The following TRPC4 variants were observed in gnomAD, a reference collection of about 807,000 sequenced individuals.
TRPC4 encodes the protein short transient receptor potential channel 4.
TRPC4 carries 49 observed loss-of-function variants against 99.4 expected under a neutral mutation model. That is an observed-to-expected ratio of 0.49 (90% CI 0.39 to 0.63). The LOEUF is 0.63. Among genes scored for constraint, TRPC4 ranks in the 20% least tolerant of loss-of-function variants. The pLI, the probability that TRPC4 is intolerant of heterozygous loss-of-function variation, is 0.00. For missense variants in TRPC4, 898 were observed against 1,152.9 expected, an observed-to-expected ratio of 0.78 and a Z score of 3.20; for synonymous variants, 454 against 425.9, an observed-to-expected ratio of 1.07 and a Z score of -0.81.
intron 1 of TRPC4, among the ~76,000 whole-genome samples, chr13:37,827,092 C>G (rs149954113): frequency 6.6e-6 from 1 of 152,006 alleles, no homozygotes; most frequent in African/African-American, 2.4e-5. Flanking sequence ...GCATTCTTCA[C>G]GTAGTTCTCC....
intron 3 of TRPC4, among the ~76,000 whole-genome samples, chr13:37,697,417 CAG>C (rs141403564): frequency 6.6e-6 from 1 of 152,244 alleles, no homozygotes; most frequent in African/African-American, 2.4e-5. Flanking sequence ...CCTGAAATAA[CAG>C]ATAGATTTCG....
intron 1 of TRPC4, among the ~76,000 whole-genome samples, chr13:37,856,414 G>A (rs1959174961): frequency 6.8e-6 from 1 of 147,478 alleles, no homozygotes; most frequent in Admixed American, 6.8e-5. Context: ...AAAAGCCCAG[G>A]ATCTGATGCC....
At chr13:37,844,340 G>C (rs1190420356) in intron 1 of TRPC4, among the ~76,000 whole-genome samples, 3 of 151,882 alleles carry the variant, frequency 2.0e-5, no homozygotes, top group Non-Finnish European at 4.4e-5. Flanking sequence ...TGTTGCCCAG[G>C]CTGGAGTGCA....
chr13:37,842,280 A>C (rs1329430163), intron 1 of TRPC4, among the ~76,000 whole-genome samples: 2 of 149,558 alleles, frequency 1.3e-5, no homozygotes, highest in South Asian at 2.1e-4. Flanking sequence ...AAAAAAAAAA[A>C]AAAAACCTTA....
rs1172479765 is a variant in TRPC4, at chr13:37,833,364, A to G, written c.-28+36231T>C. Among the ~76,000 whole-genome samples the G allele has an allele frequency of 2.0e-5, 3 of 152,190 alleles. No individual in the cohort carries two copies. The East Asian group carries it at 5.8e-4, about 29-fold the overall frequency. On this transcript the variant is annotated intron_variant, in intron 1 of 10. Coordinates refer to ENST00000379705, the MANE Select transcript of TRPC4 (RefSeq NM_016179.4). The stretch of plus-strand genomic sequence containing the variant: ...AAGTTTTGCTTGGACAAGCTATTTG[A>G]TACGGCATTCACCTGATTGAAAAGT...
intron 3 of TRPC4, among the ~76,000 whole-genome samples, chr13:37,718,162 A>G (rs1397884110): frequency 3.9e-5 from 6 of 152,076 alleles, no homozygotes; most frequent in Non-Finnish European, 7.4e-5. Context: ...AGATTCCCAA[A>G]TTCTCTGCAG....
chr13:37,755,404 G>A (rs200579413), intron 2 of TRPC4, among the ~76,000 whole-genome samples: 3 of 150,122 alleles, frequency 2.0e-5, no homozygotes, highest in East Asian at 4.0e-4. Flanking sequence ...TACAGGCATA[G>A]CACCACCATA....
chr13:37,820,154 T>G (rs949286887), intron 1 of TRPC4, among the ~76,000 whole-genome samples: 15 of 152,170 alleles, frequency 9.9e-5, no homozygotes, highest in African/African-American at 3.1e-4. Flanking sequence ...CCTTAGAGTC[T>G]ATTTTAAACA....
intron 1 of TRPC4, among the ~76,000 whole-genome samples, chr13:37,832,054 G>T (rs1469695518): frequency 2.0e-5 from 3 of 152,124 alleles, no homozygotes; most frequent in East Asian, 1.9e-4. Flanking sequence ...TTACCAAAAA[G>T]AAATGATAAG....
intron 4 of TRPC4, among the ~76,000 whole-genome samples, chr13:37,682,899 C>A (rs1345551392): frequency 6.7e-6 from 1 of 150,054 alleles, no homozygotes; most frequent in Middle Eastern, 3.5e-3. Context: ...GGACTAGAGG[C>A]ACATGTTACC....
intron 6 of TRPC4, among the ~76,000 whole-genome samples, chr13:37,662,666 G>T (rs1291146209): frequency 6.6e-6 from 1 of 152,168 alleles, no homozygotes; most frequent in Non-Finnish European, 1.5e-5. Flanking sequence ...CTGTATGGAG[G>T]AAAATCACTT....
chr13:37,760,780 C>T (rs1292945632), intron 2 of TRPC4, among the ~76,000 whole-genome samples: 3 of 151,940 alleles, frequency 2.0e-5, no homozygotes, highest in Non-Finnish European at 4.4e-5. Flanking sequence ...CCAAGACATT[C>T]TTCTTCCAAT....
At chr13:37,772,748 C>T (rs1956591623) in intron 2 of TRPC4, among the ~76,000 whole-genome samples, 1 of 151,760 alleles carries the variant, frequency 6.6e-6, no homozygotes, top group Non-Finnish European at 1.5e-5. Flanking sequence ...AAATAACTGC[C>T]TCCAACATGG....
At chr13:37,664,082 A>G (rs928738672) in intron 5 of TRPC4, among the ~76,000 whole-genome samples, 25 of 152,164 alleles carry the variant, frequency 1.6e-4, no homozygotes, top group African/African-American at 5.8e-4. Flanking sequence ...GAAATATAAC[A>G]TTTATCTGAA....
At chr13:37,724,894 A>G (rs1379046675) in intron 3 of TRPC4, among the ~76,000 whole-genome samples, 2 of 152,196 alleles carry the variant, frequency 1.3e-5, no homozygotes, top group Non-Finnish European at 2.9e-5. Flanking sequence ...TGAATTATAG[A>G]TGGAGAAAAC....
intron 1 of TRPC4, among the ~76,000 whole-genome samples, chr13:37,830,365 A>G (rs1958385217): frequency 6.6e-6 from 1 of 152,134 alleles, no homozygotes; most frequent in African/African-American, 2.4e-5. Context: ...ATGAATGAAT[A>G]TAAACATGTT....
At chr13:37,766,955 T>C (rs1372274082) in intron 2 of TRPC4, among the ~76,000 whole-genome samples, 2 of 151,494 alleles carry the variant, frequency 1.3e-5, no homozygotes, top group Non-Finnish European at 3.0e-5. Flanking sequence ...GTGATTGTTT[T>C]TATTTTTCTA....
intron 3 of TRPC4, among the ~76,000 whole-genome samples, chr13:37,707,438 C>T (rs950440511): frequency 7.9e-5 from 12 of 152,138 alleles, no homozygotes; most frequent in Non-Finnish European, 1.6e-4. Flanking sequence ...AATTTAGGGA[C>T]TGTCTCTAAA....
intron 1 of TRPC4, among the ~76,000 whole-genome samples, chr13:37,842,943 T>C (rs1177292820): frequency 1.3e-5 from 2 of 152,168 alleles, no homozygotes; most frequent in African/African-American, 2.4e-5. Flanking sequence ...CTTTAGCAAA[T>C]GCTATAAAGC....
Sources: allele counts gnomAD v4.1 joint callset (sites outside exome capture counted in the v4.1 genomes callset), GRCh38; gene constraint gnomAD v4.1.1; transcripts MANE v1.5; gene names NCBI Gene and HGNC (gene_info 2026-07-23, HGNC 2026-07-21).